The following SFI1 variants were observed in gnomAD, a reference collection of about 807,000 sequenced individuals.
SFI1 encodes SFI1 centrin binding protein, also known as protein SFI1 homolog.
In SFI1, 195 loss-of-function variants were observed where a neutral mutation model predicts 207.5. The ratio of observed to expected loss-of-function variants is 0.94; its 90% CI spans 0.84 to 1.06. The LOEUF is 1.06. Ranked by LOEUF, SFI1 falls within the 50% of genes least tolerant of loss-of-function variation. The pLI is 0.00. For synonymous variants in SFI1, 630 were observed against 598.9 expected (o/e 1.05, Z -0.76); for missense variants, 1,634 against 1,588.0 (o/e 1.03, Z -0.49).
rs1321796745 is a variant in SFI1, at chr22:31,601,690, A to C, written c.1545-522A>C. Reference sequence around the variant, plus strand: ...TGAAGGCTTGGCTGATACCAGAAACAACCTGGAAAATGTTGGCCTTTTTAA... The same window carrying C: ...TGAAGGCTTGGCTGATACCAGAAACCACCTGGAAAATGTTGGCCTTTTTAA... On this transcript the variant is annotated intron_variant, in intron 15 of 32. Transcript: ENST00000400288. Among the ~76,000 whole-genome samples, 3 of 152,188 alleles carry C rather than the reference A, an allele frequency of 2.0e-5. No individual in the cohort carries two copies. In the East Asian group the frequency reaches 5.8e-4, roughly 29 times the overall value.
chr22:31,563,489 T>C (rs1292607097), intron 8 of SFI1, among the ~76,000 whole-genome samples: 1 of 152,214 alleles, frequency 6.6e-6, no homozygotes, highest in Non-Finnish European at 1.5e-5. Flanking sequence ...GCTAGTTTTC[T>C]TCCCTTTCTA....
At chr22:31,543,780 A>G (rs1255415488) in intron 4 of SFI1, among the ~76,000 whole-genome samples, 1 of 151,404 alleles carries the variant, frequency 6.6e-6, no homozygotes, top group Non-Finnish European at 1.5e-5. Context: ...ACTGCACTCC[A>G]GCCTGGGCGA....
intron 2 of SFI1, among the ~76,000 whole-genome samples, chr22:31,516,929 G>C (rs1358658741): frequency 6.6e-6 from 1 of 151,954 alleles, no homozygotes; most frequent in African/African-American, 2.4e-5. Context: ...ACTCCAGCCT[G>C]GGCAACAAGA....
chr22:31,554,693 G>T (rs1418231121), intron 6 of SFI1, among the ~76,000 whole-genome samples: 2 of 149,152 alleles, frequency 1.3e-5, no homozygotes, highest in Non-Finnish European at 3.0e-5. Flanking sequence ...TGCAGCCTCT[G>T]CCTCCTGGGT....
At chr22:31,545,369 A>T (rs975587691) in intron 4 of SFI1, among the ~76,000 whole-genome samples, 4 of 151,724 alleles carry the variant, frequency 2.6e-5, no homozygotes, top group South Asian at 2.1e-4. Context: ...CCGTCTCAAA[A>T]AAAAAAGAAA....
intron 1 of SFI1, among the ~76,000 whole-genome samples, chr22:31,499,984 T>TAA (rs77752661): frequency 0.048 from 5,615 of 117,682 alleles, 148 homozygotes; most frequent in African/African-American, 0.068. Context: ...GACTCCATCT[T>TAA]AAAAAAAAAA....
At chr22:31,612,236 C>T in intron 24 of SFI1, 1 of 266,116 alleles carries the variant, frequency 3.8e-6, no homozygotes, top group Non-Finnish European at 5.8e-6. Context: ...AAAAATCAGC[C>T]AGGCGTGGTG....
chr22:31,573,681 G>A (rs185024860), intron 9 of SFI1, among the ~76,000 whole-genome samples: 433 of 152,136 alleles, frequency 2.8e-3, no homozygotes, highest in Non-Finnish European at 4.9e-3. Context: ...CAGGTGATCC[G>A]CCTGCCTCAG....
intron 6 of SFI1, among the ~76,000 whole-genome samples, chr22:31,552,919 A>G (rs1424842321): frequency 6.6e-6 from 1 of 151,842 alleles, no homozygotes; most frequent in Admixed American, 6.6e-5. Flanking sequence ...GTCATAGCTC[A>G]CTGCAGCCTT....
intron 24 of SFI1, chr22:31,612,516 A>C (rs2070518906): frequency 6.6e-6 from 1 of 150,772 alleles, no homozygotes; most frequent in East Asian, 2.0e-4. Flanking sequence ...CAGAAGTTCA[A>C]GACCAGCCTG....
intron 3 of SFI1, among the ~76,000 whole-genome samples, chr22:31,529,937 G>A (rs545606022): frequency 2.6e-4 from 39 of 152,016 alleles, no homozygotes; most frequent in African/African-American, 8.7e-4. Flanking sequence ...TTGGGAGGCC[G>A]AGGCGGGTGG....
chr22:31,552,295 C>G (rs565284811), intron 6 of SFI1, among the ~76,000 whole-genome samples: 1 of 152,070 alleles, frequency 6.6e-6, no homozygotes, highest in Non-Finnish European at 1.5e-5. Context: ...CTCTGTCACC[C>G]AGGCTGGAGT....
intron 3 of SFI1, among the ~76,000 whole-genome samples, chr22:31,529,904 C>G (rs1213670819): frequency 1.3e-5 from 2 of 152,062 alleles, no homozygotes; most frequent in Non-Finnish European, 2.9e-5. Context: ...GGTATGGTGG[C>G]TCACGCCTGT....
At chr22:31,567,704 T>G (rs951151803) in intron 8 of SFI1, among the ~76,000 whole-genome samples, 27 of 152,298 alleles carry the variant, frequency 1.8e-4, no homozygotes, top group Admixed American at 1.4e-3. Flanking sequence ...TTCTGTGAAT[T>G]TACTTTGTTA....
At chr22:31,497,250 A>G (rs1473188033) in intron 1 of SFI1, 3 of 152,256 alleles carry the variant, frequency 2.0e-5, no homozygotes, top group African/African-American at 7.2e-5. Flanking sequence ...CTTCACAGAT[A>G]CCGTGTTTTT....
At chr22:31,606,618 C>T (rs2069021885) in intron 21 of SFI1, 188 bp downstream of exon 21, 1 of 533,522 alleles carries the variant, frequency 1.9e-6, no homozygotes, top group African/African-American at 1.9e-5. Flanking sequence ...GAATTACAAA[C>T]CAATATGCAT....
In SFI1 at chr22:31,514,518, A is replaced by T. The variant is rs188193969; in HGVS notation, c.92+6142A>T. ...GTGAGACTCTGTCTCAAAAAAAAAAAAAAAAAAAAAAAATCAACTGTATTT... is the reference window on the plus strand; with the variant it reads ...GTGAGACTCTGTCTCAAAAAAAAAATAAAAAAAAAAAAATCAACTGTATTT... On this transcript the variant is annotated intron_variant, in intron 2 of 32. Coordinates refer to ENST00000400288, the MANE Select transcript of SFI1 (RefSeq NM_001007467.3). 1.9e-4 allele frequency among the ~76,000 whole-genome samples: 29 copies of T among 151,076 alleles called. 1 individual carries two copies. The East Asian group carries it at 5.7e-3, about 30-fold the overall frequency.
chr22:31,613,317 AG>A lies in SFI1; in HGVS notation c.2566-34del, dbSNP rs778762944. 3.7e-6 allele frequency: 6 copies of A among 1,603,426 alleles called. No individual in the cohort carries two copies. The South Asian group carries it at 6.6e-5, about 18-fold the overall frequency. ...CCTGGTCTGTGGGGGAGCTCTAAGC[AG>A]GGAGACCTGGGCCTCACCTCCTGCC... On this transcript the variant is annotated intron_variant, in intron 25 of 32. Coordinates refer to ENST00000400288, the MANE Select transcript of SFI1 (RefSeq NM_001007467.3).
At chr22:31,598,445 G>GT (rs1238619805) in intron 15 of SFI1, among the ~76,000 whole-genome samples, 6 of 151,132 alleles carry the variant, frequency 4.0e-5, no homozygotes, top group Non-Finnish European at 7.4e-5. Context: ...GTTTTGCATG[G>GT]TTTTTTTCTT....
Sources: allele counts gnomAD v4.1 joint callset (sites outside exome capture counted in the v4.1 genomes callset), GRCh38; gene constraint gnomAD v4.1.1; transcripts MANE v1.5; gene names NCBI Gene and HGNC (gene_info 2026-07-23, HGNC 2026-07-21).